ABHD2: variants seen among roughly 807,000 people sequenced by gnomAD.
The protein encoded by ABHD2 is abhydrolase domain containing 2, acylglycerol lipase, also known as monoacylglycerol lipase ABHD2.
A neutral mutation model predicts 48.1 loss-of-function variants in ABHD2; 20 were observed. The observed-to-expected ratio is 0.42, with a 90% confidence interval of 0.29 to 0.60. The LOEUF (loss-of-function observed/expected upper bound fraction) is 0.60. Ranked by LOEUF, ABHD2 falls within the 20% of genes least tolerant of loss-of-function variation. The pLI, the probability that ABHD2 is intolerant of heterozygous loss-of-function variation, is 0.24. For missense variants in ABHD2, 405 were observed against 550.9 expected (o/e 0.74, Z 2.65); for synonymous variants, 209 against 214.2 (o/e 0.98, Z 0.21).
chr15:89,102,181 A>G lies in ABHD2; in HGVS notation c.-106-11544A>G, dbSNP rs2049711700. Among the ~76,000 whole-genome samples, 1 of 151,416 alleles carries G rather than the reference A, an allele frequency of 6.6e-6. No homozygotes were observed. The highest frequency in any genetic ancestry group is 1.5e-5 in the Non-Finnish European group (1 of 67,834). On this transcript the variant is annotated intron_variant, in intron 1 of 10. Transcript: ENST00000352732. The surrounding 1 kb of genome is among the most constrained non-coding windows in gnomAD (Gnocchi z 4.8). Reference sequence around the variant, plus strand: ...TGAGCCCAGCCTGACGTCTGCATCCACCCCTCCTTCTCACCTTCTCTTCTA... The same window carrying G: ...TGAGCCCAGCCTGACGTCTGCATCCGCCCCTCCTTCTCACCTTCTCTTCTA...
rs2051443656 is a variant in ABHD2 at position 89,199,314 on chromosome 15, T to A, written c.*3891T>A. On this transcript the variant is annotated 3_prime_UTR_variant, in exon 11 of 11. Transcript: ENST00000352732. The surrounding 1 kb of genome is among the most constrained non-coding windows in gnomAD (Gnocchi z 4.1). ...GCTGAAGTAAAAGATCACTGAAACA[T>A]CACGTCAAGTTGAAGTCACTCATAG... 1 of 152,494 alleles carries A rather than the reference T, an allele frequency of 6.6e-6. No individual in the cohort carries two copies. The highest frequency in any genetic ancestry group is 2.4e-5 in the African/African-American group (1 of 41,402). 9.4% of individuals were successfully genotyped at this position (152,494 alleles called of 1,614,324 possible).
chr15:89,088,936 G>C lies in ABHD2; in HGVS notation c.-107+373G>C, dbSNP rs1567061987. On this transcript the variant is annotated intron_variant, in intron 1 of 10. Coordinates refer to ENST00000352732, the MANE Select transcript of ABHD2 (RefSeq NM_152924.5). The surrounding 1 kb of genome is among the most constrained non-coding windows in gnomAD (Gnocchi z 6.8). ...GAAGAAGGTCCGGGATCCGCACCTG[G>C]AAGGAGAGGGCCGAGGGGCCTGATT... Among the ~76,000 whole-genome samples the C allele has an allele frequency of 6.6e-6, 1 of 152,252 alleles. No homozygotes were observed. The highest frequency in any genetic ancestry group is 1.5e-5 in the Non-Finnish European group (1 of 68,032).
intron 3 of ABHD2, among the ~76,000 whole-genome samples, chr15:89,132,443 G>GA (rs532056134): frequency 9.3e-4 from 141 of 152,256 alleles, no homozygotes; most frequent in African/African-American, 3.3e-3. Context: ...GAGAATAAGT[G>GA]AAAAAAGCAG....
chr15:89,059,493 G>A, the ABHD2 span, among the ~76,000 whole-genome samples: 2 of 152,278 alleles, frequency 1.3e-5, no homozygotes, highest in African/African-American at 4.8e-5. Context: ...ACTTGGGAAG[G>A]CAGCCCTGAA....
intron 1 of ABHD2, among the ~76,000 whole-genome samples, chr15:89,111,438 A>G (rs2049873351): frequency 6.6e-6 from 1 of 152,252 alleles, no homozygotes. Flanking sequence ...TAGGCAGTCT[A>G]GATCTGATAT....
At chr15:89,058,171 A>T in the ABHD2 span, among the ~76,000 whole-genome samples, 1 of 152,142 alleles carries the variant, frequency 6.6e-6, no homozygotes, top group Non-Finnish European at 1.5e-5. Flanking sequence ...TAGGATTTTC[A>T]GCCTCCTTGG....
At chr15:89,136,660 C>A (rs995024241) in intron 3 of ABHD2, among the ~76,000 whole-genome samples, 1 of 152,206 alleles carries the variant, frequency 6.6e-6, no homozygotes, top group Non-Finnish European at 1.5e-5. Flanking sequence ...TGCTCTCCAG[C>A]CAGCGCAGCT....
chr15:89,085,067 T>A (rs1901330330), upstream of ABHD2, among the ~76,000 whole-genome samples: 1 of 152,200 alleles, frequency 6.6e-6, no homozygotes, highest in African/African-American at 2.4e-5. This position sits in a 1 kb window ranked among gnomAD's most constrained non-coding sequence, Gnocchi z 4.2. Context: ...ACATATTATC[T>A]GCTCCAACCA....
In ABHD2 at chr15:89,097,987, C is replaced by T. The variant is rs1268944883; in HGVS notation, c.-107+9424C>T. On this transcript the variant is annotated intron_variant, in intron 1 of 10. Transcript: ENST00000352732. The surrounding 1 kb of genome is among the most constrained non-coding windows in gnomAD (Gnocchi z 4.2). ...CTCACTGCAGCCTCCACCTCCTAGACTCAAGTGATCCTTCCACCTCAGCCT... is the reference window on the plus strand; with the variant it reads ...CTCACTGCAGCCTCCACCTCCTAGATTCAAGTGATCCTTCCACCTCAGCCT... Among the ~76,000 whole-genome samples, 1 of 152,076 alleles carries T rather than the reference C, an allele frequency of 6.6e-6. No individual in the cohort carries two copies. The highest frequency in any genetic ancestry group is 2.4e-5 in the African/African-American group (1 of 41,416).
rs533891924 is a variant in ABHD2, at chr15:89,201,596, G to C, written c.*6173G>C. 214 of 1,594,986 alleles carry C rather than the reference G, an allele frequency of 1.3e-4. 1 individual carries two copies. In the African/African-American group the frequency reaches 2.4e-3, roughly 18 times the overall value. On this transcript the variant is annotated 3_prime_UTR_variant, in exon 11 of 11. Transcript: ENST00000352732. ...CTGAAACAGTCACAGTTGACCCTGGGTCAATAATTCCACTGTTGGGCCTCA... is the reference window on the plus strand; with the variant it reads ...CTGAAACAGTCACAGTTGACCCTGGCTCAATAATTCCACTGTTGGGCCTCA...
Position 89,200,946 on chromosome 15 carries a change from G to A in ABHD2, c.*5523G>A, listed in dbSNP as rs1369992950. 6 of 468,690 alleles carry A rather than the reference G, an allele frequency of 1.3e-5. No homozygotes were observed. Among genetic ancestry groups the A allele is most frequent in the African/African-American group, 8.1e-5 (4 of 49,208 alleles). The allele number at this position is 468,690 out of a possible 1,614,324, so 29.0% of individuals were successfully genotyped here. A position where few individuals can be genotyped will look rare whatever the true frequency, so the allele number is the denominator to read the frequency against. On this transcript the variant is annotated 3_prime_UTR_variant, in exon 11 of 11. Coordinates refer to ENST00000352732, the MANE Select transcript of ABHD2 (RefSeq NM_152924.5). ...AAAATGCAAAAATTAGCTGGGTGTG[G>A]TGGCGGGCGCCTGTAATCCCAGCTA...
chr15:89,057,673 C>T, the ABHD2 span, among the ~76,000 whole-genome samples: 1 of 152,118 alleles, frequency 6.6e-6, no homozygotes, highest in Admixed American at 6.5e-5. Flanking sequence ...CTGCCATTCC[C>T]TCCATGGCCT....
chr15:89,130,556 A>G (rs142195350), intron 3 of ABHD2, among the ~76,000 whole-genome samples: 2 of 152,322 alleles, frequency 1.3e-5, no homozygotes, highest in East Asian at 1.9e-4. Flanking sequence ...CACTAGAGAC[A>G]GAAACTACAA....
chr15:89,050,000 C>G, the ABHD2 span, among the ~76,000 whole-genome samples: 1 of 152,166 alleles, frequency 6.6e-6, no homozygotes, highest in East Asian at 1.9e-4. Context: ...TAAAAGTTGC[C>G]CACCAAACAC....
At position 89,155,285 on chromosome 15, in the gene ABHD2, T is replaced by C; in HGVS notation, c.371-82T>C. Reference sequence around the variant, plus strand: ...TATGTTGAATTCCCTCCCCTTGTTTTCTAGACCAGTGAAGTGTAATTATGT... The same window carrying C: ...TATGTTGAATTCCCTCCCCTTGTTTCCTAGACCAGTGAAGTGTAATTATGT... On this transcript the variant is annotated intron_variant, in intron 4 of 10. Transcript: ENST00000352732. The surrounding 1 kb of genome is among the most constrained non-coding windows in gnomAD (Gnocchi z 4.9). 6.8e-7 allele frequency: 1 copy of C among 1,462,524 alleles called. No individual in the cohort carries two copies. 90.6% of individuals were successfully genotyped at this position (1,462,524 alleles called of 1,614,324 possible).
Position 89,126,237 on chromosome 15 carries a change from G to A in ABHD2, c.194+9716G>A, listed in dbSNP as rs1212112451. 2.6e-5 allele frequency among the ~76,000 whole-genome samples: 4 copies of A among 152,182 alleles called. No individual in the cohort carries two copies. The South Asian group carries it at 8.3e-4, about 31-fold the overall frequency. ...AAGTGGGCCTTGGCTCCACGTGTAA[G>A]GTCCTGTTTTGAGTCACCCCTCTGT... On this transcript the variant is annotated intron_variant, in intron 3 of 10. Transcript: ENST00000352732.
the ABHD2 span, among the ~76,000 whole-genome samples, chr15:89,068,262 T>C: frequency 6.6e-6 from 1 of 152,114 alleles, no homozygotes; most frequent in Non-Finnish European, 1.5e-5. Context: ...TTCAGTTATG[T>C]ACTGCTACAT....
chr15:89,116,639 C>G lies in ABHD2; in HGVS notation c.194+118C>G. 9.0e-7 allele frequency: 1 copy of G among 1,115,158 alleles called. No homozygotes were observed. The highest frequency in any genetic ancestry group is 1.3e-6 in the Non-Finnish European group (1 of 790,604). 69.1% of individuals were successfully genotyped at this position (1,115,158 alleles called of 1,614,324 possible). On this transcript the variant is annotated intron_variant, in intron 3 of 10. Coordinates refer to ENST00000352732, the MANE Select transcript of ABHD2 (RefSeq NM_152924.5). The surrounding 1 kb of genome is among the most constrained non-coding windows in gnomAD (Gnocchi z 4.6). ...AAGGCATCAATGGGATATGACGTCA[C>G]TGGTGTTAAAATAGCCACAGTCTGA...
intron 7 of ABHD2, among the ~76,000 whole-genome samples, chr15:89,187,828 A>G (rs192648684): frequency 6.6e-6 from 1 of 152,194 alleles, no homozygotes; most frequent in Non-Finnish European, 1.5e-5. Context: ...ATTAAGGGGA[A>G]GGGTCTCTGC....
Sources: allele counts gnomAD v4.1 joint callset (sites outside exome capture counted in the v4.1 genomes callset), GRCh38; gene constraint gnomAD v4.1.1; non-coding constraint Gnocchi (gnomAD v3.1); transcripts MANE v1.5; gene names NCBI Gene and HGNC (gene_info 2026-07-23, HGNC 2026-07-21).